Variants in P3H1 observed in about 807,000 individuals in gnomAD.
P3H1 encodes the protein prolyl 3-hydroxylase 1.
P3H1 carries 69 observed loss-of-function variants against 84.0 expected under a neutral mutation model. The ratio of observed to expected loss-of-function variants is 0.82; its 90% confidence interval spans 0.68 to 1.00. The LOEUF (loss-of-function observed/expected upper bound fraction) is 1.00. Ranked by LOEUF, P3H1 falls within the 50% of genes least tolerant of loss-of-function variation. The probability of loss-of-function intolerance (pLI) is 0.00; values close to 1 mark genes in which losing one functional copy is unlikely to be tolerated. For synonymous variants in P3H1, 366 were observed against 388.8 expected (o/e 0.94, Z 0.69); for missense variants, 878 against 962.8 (o/e 0.91, Z 1.17).
intron 9 of P3H1, 60 bp downstream of exon 9, chr1:42,752,477 G>A (rs1652161607): frequency 1.9e-6 from 3 of 1,612,580 alleles, no homozygotes; most frequent in Middle Eastern, 3.5e-4. Flanking sequence ...CACCCAAGGG[G>A]CACTTGGTGG....
chr1:42,757,707 C>T, intron 5 of P3H1, 76 bp downstream of exon 5: 2 of 1,611,574 alleles, frequency 1.2e-6, no homozygotes, highest in South Asian at 1.1e-5. Context: ...GCGCCTACTC[C>T]CCTCTGCTAC....
In P3H1 at chr1:42,755,223, T is replaced by C. The variant is rs1256699139; in HGVS notation, c.1171-6A>G. On this transcript the variant is annotated splice_polypyrimidine_tract_variant and splice_region_variant and intron_variant, in intron 6 of 14. Transcript: ENST00000296388. ...TCTTCTGGAGTCCATGAATCCTAAG[T>C]AGGTCAGGAAGAAATGAAAAAGGTA... is the stretch of plus-strand genomic sequence containing the variant. The C allele has an allele frequency of 6.2e-7, 1 of 1,613,614 alleles. No individual in the cohort carries two copies. The highest frequency in any genetic ancestry group is 1.7e-5 in the Admixed American group (1 of 60,026).
Position 42,746,723 on chromosome 1 carries a change from C to T in P3H1, c.2185G>A (p.Glu729Lys). ...EPAQESLSGS[E>K]SKPKDEL ...CATAGCTCATCCTTGGGCTTCGATT[C>T]ACTGCCTGAGAGAGACTCTTGTGCA... The change falls in exon 15 of 15, where the codon GAA becomes AAA. Residue 729 changes from glutamate to lysine, a missense_variant. Transcript: ENST00000296388. 3 of 1,551,984 alleles carry T rather than the reference C, an allele frequency of 1.9e-6. No homozygotes were observed. The highest frequency in any genetic ancestry group is 2.6e-6 in the Non-Finnish European group (3 of 1,147,112).
At position 42,762,143 on chromosome 1, in the gene P3H1, T is replaced by A. The variant is rs377161561; in HGVS notation, c.618+180A>T. ...ATTTAAAAAAAAACAAAAGAATGCA[T>A]GCCTGTAGTCCCAACTACTCAGGAG... On this transcript the variant is annotated intron_variant, in intron 2 of 14. Coordinates refer to ENST00000296388, the MANE Select transcript of P3H1 (RefSeq NM_022356.4). 28 of 611,886 alleles carry A rather than the reference T, an allele frequency of 4.6e-5. No homozygotes were observed. In the East Asian group the frequency reaches 5.9e-4, roughly 13 times the overall value. The allele number at this position is 611,886 out of a possible 1,614,324, so 37.9% of individuals were successfully genotyped here.
rs1389727493 is a variant in P3H1, at chr1:42,754,965, T to C, written c.1249A>G (p.Ile417Val). ...QKSERETAVR[I>V]SQEIGNLMKE... ...ATAAGGTTCCCAATCTCCTGGGAGA[T>C]GCGTACGGCTGTTTCCCGTTCTGAC... The change falls in exon 8 of 15, where the codon ATC (isoleucine) becomes GTC (valine). Residue 417 changes from isoleucine (I) to valine (V), a missense_variant. Ile to Val is a conservative substitution (Grantham distance 29). Transcript: ENST00000296388. This position sits in a 1 kb window ranked among gnomAD's most constrained non-coding sequence, Gnocchi z 4.0. The C allele has an allele frequency of 3.7e-6, 6 of 1,614,096 alleles. No homozygotes were observed. The Admixed American group carries it at 8.3e-5, about 22-fold the overall frequency.
rs371232413 is a variant in P3H1 at position 42,750,182 on chromosome 1, C to T, written c.1720+4G>A. ...GCGGGTGCTGCAGGGGTAATGAGGC[C>T]CACCTTCGATGGCAGTGCGGCACAC... On this transcript the variant is annotated splice_donor_region_variant and intron_variant, in intron 11 of 14. Coordinates refer to ENST00000296388, the MANE Select transcript of P3H1 (RefSeq NM_022356.4). 2.1e-4 allele frequency: 340 copies of T among 1,611,404 alleles called. No homozygotes were observed. Among genetic ancestry groups the T allele is most frequent in the Non-Finnish European group, 2.7e-4 (315 of 1,179,056 alleles).
At chr1:42,762,250 G>A (rs1652759131) in intron 2 of P3H1, 73 bp downstream of exon 2, 3 of 1,509,362 alleles carry the variant, frequency 2.0e-6, no homozygotes, top group Non-Finnish European at 2.8e-6. Context: ...CAGCCTGGGT[G>A]ACAGAGCAAG....
At position 42,750,293 on chromosome 1, in the gene P3H1, T is replaced by C. The variant is rs748917248; in HGVS notation, c.1613A>G (p.Tyr538Cys). ...GKVPLQSAHL[Y>C]YNVTEKVRRI... ...CCGCACCTTCTCCGTCACGTTGTAG[T>C]ACAGGTGGGCACTCTGCAGAGGAAC... The change falls in exon 11 of 15, where the codon TAC becomes TGC. Residue 538 changes from tyrosine to cysteine, a missense_variant. Coordinates refer to ENST00000296388, the MANE Select transcript of P3H1 (RefSeq NM_022356.4). 1.4e-5 allele frequency: 22 copies of C among 1,613,950 alleles called. No homozygotes were observed. The highest frequency in any genetic ancestry group is 1.9e-5 in the Non-Finnish European group (22 of 1,180,024).
intron 10 of P3H1, among the ~76,000 whole-genome samples, chr1:42,750,754 G>A (rs1167246370): frequency 2.1e-5 from 3 of 145,382 alleles, no homozygotes; most frequent in Non-Finnish European, 3.0e-5. Flanking sequence ...GCCTCTGCCC[G>A]GCCGCCCCTA....
intron 10 of P3H1, among the ~76,000 whole-genome samples, chr1:42,750,589 G>A (rs990103336): frequency 2.7e-5 from 4 of 147,378 alleles, no homozygotes; most frequent in African/African-American, 2.5e-5. Flanking sequence ...CTGCCCGGCC[G>A]CCCCTACTGG....
chr1:42,759,510 T>A (rs1394713028), intron 2 of P3H1, 120 bp from the exon 3 acceptor site: 2 of 792,868 alleles, frequency 2.5e-6, no homozygotes, highest in Non-Finnish European at 4.3e-6. Flanking sequence ...TGGAAAGGGG[T>A]GACCTGGGTA....
chr1:42,758,552 T>G (rs945813064), intron 4 of P3H1, among the ~76,000 whole-genome samples: 1 of 152,252 alleles, frequency 6.6e-6, no homozygotes, highest in Non-Finnish European at 1.5e-5. Context: ...TAGTTTAAAC[T>G]GTGGCATACC....
At chr1:42,748,408 T>C in intron 11 of P3H1, 91 bp from the exon 12 acceptor site, 2 of 976,848 alleles carry the variant, frequency 2.0e-6, no homozygotes, top group Admixed American at 1.7e-5. Flanking sequence ...CCAAAATGTG[T>C]TTGAGTCTAC....
In P3H1 at chr1:42,746,680, G is replaced by C. The variant is rs781702033; in HGVS notation, c.*17C>G. On this transcript the variant is annotated 3_prime_UTR_variant, in exon 15 of 15. Coordinates refer to ENST00000296388, the MANE Select transcript of P3H1 (RefSeq NM_022356.4). ...TCTCCATGGGTCTAGTCACCCATCCGTCTGACCTGGACGCTGTCATAGCTC... is the reference window on the plus strand; with the variant it reads ...TCTCCATGGGTCTAGTCACCCATCCCTCTGACCTGGACGCTGTCATAGCTC... The C allele has an allele frequency of 6.5e-6, 10 of 1,544,546 alleles. No homozygotes were observed. The Admixed American group carries it at 2.0e-4, about 30-fold the overall frequency.
chr1:42,766,999 AG>A lies in P3H1; in HGVS notation c.-29del, dbSNP rs1653054280. 1 of 1,600,426 alleles carries A rather than the reference AG, an allele frequency of 6.2e-7. No individual in the cohort carries two copies. The highest frequency in any genetic ancestry group is 1.3e-5 in the African/African-American group (1 of 74,952). On this transcript the variant is annotated 5_prime_UTR_variant, in exon 1 of 15. Transcript: ENST00000296388. ...CTCCCTCAGACCTAACGGAACCGCC[AG>A]CCACCCGCCACCAAGGCCGGAGTCC...
intron 1 of P3H1, 128 bp downstream of exon 1, chr1:42,766,379 C>CTT (rs1386181945): frequency 2.4e-6 from 2 of 829,888 alleles, no homozygotes; most frequent in Non-Finnish European, 3.9e-6. Flanking sequence ...CCGAGGAGAG[C>CTT]TCCCCAGCCA....
At chr1:42,747,091 G>A in intron 14 of P3H1, 181 bp downstream of exon 14, 1 of 1,614,216 alleles carries the variant, frequency 6.2e-7, no homozygotes, top group Non-Finnish European at 8.5e-7. Flanking sequence ...TTCACAGCAG[G>A]CCCAGGGAGG....
intron 1 of P3H1, among the ~76,000 whole-genome samples, chr1:42,763,104 T>C (rs906669886): frequency 5.9e-5 from 9 of 151,604 alleles, no homozygotes; most frequent in Non-Finnish European, 1.0e-4. Context: ...AAAATACATA[T>C]ATATATTTCA....
In P3H1 at chr1:42,747,676, A is replaced by G. The variant is rs191441990; in HGVS notation, c.1914+47T>C. 53 of 1,602,584 alleles carry G rather than the reference A, an allele frequency of 3.3e-5. No individual in the cohort carries two copies. In the East Asian group the frequency reaches 1.0e-3, roughly 31 times the overall value. On this transcript the variant is annotated intron_variant, in intron 13 of 14. Coordinates refer to ENST00000296388, the MANE Select transcript of P3H1 (RefSeq NM_022356.4). ...TGCACTTTGGGAACATCAGCTGTAGAAAACAGACTTTTTATCTCCCAGGGA... is the reference window on the plus strand; with the variant it reads ...TGCACTTTGGGAACATCAGCTGTAGGAAACAGACTTTTTATCTCCCAGGGA...
Sources: allele counts gnomAD v4.1 joint callset (sites outside exome capture counted in the v4.1 genomes callset), GRCh38; gene constraint gnomAD v4.1.1; non-coding constraint Gnocchi (gnomAD v3.1); transcripts MANE v1.5; gene names NCBI Gene and HGNC (gene_info 2026-07-23, HGNC 2026-07-21).